Variants in SUN2 observed in about 807,000 individuals in gnomAD.
The protein encoded by SUN2 is SUN domain-containing protein 2.
In SUN2, 60 loss-of-function variants were observed where a neutral mutation model predicts 100.0. The ratio of observed to expected loss-of-function variants is 0.60; its 90% CI spans 0.49 to 0.74. The LOEUF (loss-of-function observed/expected upper bound fraction) is 0.74, where lower values mean the gene tolerates loss of function less well. Among genes scored for constraint, SUN2 ranks in the 30% least tolerant of loss-of-function variants. The pLI is 0.00. For synonymous variants in SUN2, 367 were observed against 403.3 expected, an observed-to-expected ratio of 0.91 and a Z score of 1.08; for missense variants, 834 against 954.6, an observed-to-expected ratio of 0.87 and a Z score of 1.66.
rs759788009 is a variant in SUN2 at position 38,736,227 on chromosome 22, C to T, written c.*40G>A. The T allele has an allele frequency of 5.1e-6, 8 of 1,582,994 alleles. No individual in the cohort carries two copies. Among genetic ancestry groups the T allele is most frequent in the Non-Finnish European group, 8.7e-7 (1 of 1,155,558 alleles). ...GGGGAAGCGGCGGGGTGCTGTTCAC[C>T]CACTCCCAGATGGCTGGCAGCAGGC... is the stretch of plus-strand genomic sequence containing the variant. On this transcript the variant is annotated 3_prime_UTR_variant, in exon 18 of 18. Coordinates refer to ENST00000689035, the MANE Select transcript of SUN2 (RefSeq NM_015374.3).
At chr22:38,744,041 G>A (rs1004740420) in intron 8 of SUN2, 2 of 152,182 alleles carry the variant, frequency 1.3e-5, no homozygotes, top group East Asian at 1.9e-4. Context: ...AGGAGACAGA[G>A]ACCATCCTGG....
intron 8 of SUN2, chr22:38,745,182 G>T (rs370473399): frequency 2.1e-6 from 1 of 471,106 alleles, no homozygotes; most frequent in Non-Finnish European, 4.4e-6. Context: ...CTAGCCTGCC[G>T]GGTGAGCAAA....
rs532267624 is a variant in SUN2 at position 38,742,384 on chromosome 22, G to T, written c.985C>A (p.Leu329Met). The T allele has an allele frequency of 6.2e-7, 1 of 1,613,336 alleles. No individual in the cohort carries two copies. Among genetic ancestry groups the T allele is most frequent in the East Asian group, 2.2e-5 (1 of 44,864 alleles). ...CTCACTAGCCCCTCCAGCAGCGCCA[G>T]GGTGTCCTCGTGGCTCAGGCCACCA... ...GGGGLSHEDT[L>M]ALLEGLVSRR... Residue 329 changes from leucine (L) to methionine (M), a missense_variant, in exon 9 of 18, where the codon CTG (leucine) becomes ATG (methionine). Around this residue, in one of 3 missense-constraint regions of SUN2, gnomAD observed 559 missense variants for 597.7 expected, o/e 0.94. Coordinates refer to ENST00000689035, the MANE Select transcript of SUN2 (RefSeq NM_015374.3).
chr22:38,753,059 G>A (rs1239240069), intron 1 of SUN2, among the ~76,000 whole-genome samples: 2 of 152,084 alleles, frequency 1.3e-5, no homozygotes, highest in Admixed American at 1.3e-4. Flanking sequence ...CTGCCTGCAC[G>A]CCCGGTGGTC....
intron 7 of SUN2, among the ~76,000 whole-genome samples, chr22:38,746,623 G>A (rs993751191): frequency 4.6e-5 from 7 of 152,218 alleles, no homozygotes; most frequent in African/African-American, 7.2e-5. Context: ...ATCTCCATGT[G>A]ATGGGTTCAC....
rs115128495 is a variant in SUN2, at chr22:38,739,182, C to G, written c.1663+160G>C. On this transcript the variant is annotated intron_variant, in intron 14 of 17. Coordinates refer to ENST00000689035, the MANE Select transcript of SUN2 (RefSeq NM_015374.3). This position sits in a 1 kb window ranked among gnomAD's most constrained non-coding sequence, Gnocchi z 6.7. ...GATGGTACTCGGTACGTCCTGACTT[C>G]CCTGAATTGCCACTTGCCTTTGTCA... The G allele has an allele frequency of 6.8e-4, 626 of 923,082 alleles. 4 individuals carry two copies. The African/African-American group carries it at 9.2e-3, about 14-fold the overall frequency. The allele number at this position is 923,082 out of a possible 1,614,324, so 57.2% of individuals were successfully genotyped here.
chr22:38,750,413 C>G (rs1159092366), intron 4 of SUN2, 93 bp from the exon 5 acceptor site: 1 of 1,559,138 alleles, frequency 6.4e-7, no homozygotes, highest in Admixed American at 1.9e-5. Context: ...GTCACCCACC[C>G]TCCTTCACAT....
At chr22:38,745,534 T>C (rs2092896946) in intron 8 of SUN2, 150 bp downstream of exon 8, 5 of 1,066,592 alleles carry the variant, frequency 4.7e-6, no homozygotes, top group Non-Finnish European at 6.7e-6. Context: ...ATTCCTTTTC[T>C]TTCTGTTTTC....
In SUN2 at chr22:38,737,798, C is replaced by T. The variant is rs138705; in HGVS notation, c.2040+375G>A. 0.27 allele frequency: 118,751 copies of T among 433,284 alleles called. 17,690 individuals are homozygous for T. The highest frequency in any genetic ancestry group is 0.46 in the East Asian group (7,169 of 15,446). The allele number at this position is 433,284 out of a possible 1,614,324, so 26.8% of individuals were successfully genotyped here. A position where few individuals can be genotyped will look rare whatever the true frequency, so the allele number is the denominator to read the frequency against. The stretch of plus-strand genomic sequence containing the variant: ...ATCGGATGCCCACTGAAGTTTAAGC[C>T]GCATGCACTGCCTGAGGCTCCAGCT... On this transcript the variant is annotated intron_variant, in intron 17 of 17. Coordinates refer to ENST00000689035, the MANE Select transcript of SUN2 (RefSeq NM_015374.3). The surrounding 1 kb of genome is among the most constrained non-coding windows in gnomAD (Gnocchi z 4.1).
chr22:38,740,500 A>C lies in SUN2; in HGVS notation c.1191-68T>G. The C allele has an allele frequency of 7.2e-7, 1 of 1,397,338 alleles. No homozygotes were observed. The highest frequency in any genetic ancestry group is 9.4e-7 in the Non-Finnish European group (1 of 1,067,368). The allele number at this position is 1,397,338 out of a possible 1,614,324, so 86.6% of individuals were successfully genotyped here. On this transcript the variant is annotated intron_variant, in intron 11 of 17. Transcript: ENST00000689035. This position sits in a 1 kb window ranked among gnomAD's most constrained non-coding sequence, Gnocchi z 4.8. ...GGGAGGTAAGGCCACACCAAAGATG[A>C]AAGAGGACCCCCTAGTGGGCTCCCG...
chr22:38,744,066 C>CTTGG (rs2092882757), intron 8 of SUN2, among the ~76,000 whole-genome samples: 1 of 151,920 alleles, frequency 6.6e-6, no homozygotes, highest in Non-Finnish European at 1.5e-5. Context: ...CATGGTGAAA[C>CTTGG]CCTGTCTCTA....
chr22:38,736,209 C>T lies in SUN2; in HGVS notation c.*58G>A, dbSNP rs538539297. 1.3e-4 allele frequency: 196 copies of T among 1,492,072 alleles called. No individual in the cohort carries two copies. Among genetic ancestry groups the T allele is most frequent in the African/African-American group, 5.5e-4 (40 of 72,578 alleles). The allele number at this position is 1,492,072 out of a possible 1,614,324, so 92.4% of individuals were successfully genotyped here. A position where few individuals can be genotyped will look rare whatever the true frequency, so the allele number is the denominator to read the frequency against. On this transcript the variant is annotated 3_prime_UTR_variant, in exon 18 of 18. Coordinates refer to ENST00000689035, the MANE Select transcript of SUN2 (RefSeq NM_015374.3). ...GCGCCGAGCAAGCGTGTGGGGGAAG[C>T]GGCGGGGTGCTGTTCACCCACTCCC...
intron 1 of SUN2, among the ~76,000 whole-genome samples, chr22:38,753,699 C>T (rs536946682): frequency 2.0e-5 from 3 of 152,110 alleles, no homozygotes; most frequent in East Asian, 1.9e-4. Context: ...TCCTTGTATA[C>T]CTCATTTATA....
chr22:38,739,118 C>T lies in SUN2; in HGVS notation c.1664-130G>A, dbSNP rs2092832571. 2 of 1,003,432 alleles carry T rather than the reference C, an allele frequency of 2.0e-6. No homozygotes were observed. Among genetic ancestry groups the T allele is most frequent in the Admixed American group, 4.1e-5 (2 of 48,268 alleles). 62.2% of individuals were successfully genotyped at this position (1,003,432 alleles called of 1,614,324 possible). The stretch of plus-strand genomic sequence containing the variant: ...CTAGCCTTTAACCCTAACCGAGATG[C>T]TCAGAGCAGCTTTAAAGGTCAGCCT... On this transcript the variant is annotated intron_variant, in intron 14 of 17. Coordinates refer to ENST00000689035, the MANE Select transcript of SUN2 (RefSeq NM_015374.3). This position sits in a 1 kb window ranked among gnomAD's most constrained non-coding sequence, Gnocchi z 6.7.
chr22:38,739,885 C>T lies in SUN2; in HGVS notation c.1415G>A (p.Arg472His), dbSNP rs760492857. 3.7e-6 allele frequency: 6 copies of T among 1,613,112 alleles called. No individual in the cohort carries two copies. The highest frequency in any genetic ancestry group is 2.7e-5 in the African/African-American group (2 of 74,946). ...CTCCTCTCTCTGAAGGAGCCCCACG[C>T]GGCCCCCTCCACCTCGGGCAAGGAA... is the stretch of plus-strand genomic sequence containing the variant. ...SQFLARGGGG[R>H]VGLLQREEMQ... The change falls in exon 13 of 18, where the codon CGC becomes CAC. Residue 472 changes from arginine to histidine, a missense_variant. Transcript: ENST00000689035. The surrounding 1 kb of genome is among the most constrained non-coding windows in gnomAD (Gnocchi z 6.7).
chr22:38,740,014 G>C lies in SUN2; in HGVS notation c.1357-71C>G. ...AGCAGGAGCTGCTATGACAGGGCTA[G>C]TGCTTAGCTGGATAGCAGGGATAGG... is the stretch of plus-strand genomic sequence containing the variant. On this transcript the variant is annotated intron_variant, in intron 12 of 17. Transcript: ENST00000689035. The surrounding 1 kb of genome is among the most constrained non-coding windows in gnomAD (Gnocchi z 4.8). 6.6e-7 allele frequency: 1 copy of C among 1,520,486 alleles called. No homozygotes were observed. The highest frequency in any genetic ancestry group is 9.0e-7 in the Non-Finnish European group (1 of 1,117,102). The allele number at this position is 1,520,486 out of a possible 1,614,324, so 94.2% of individuals were successfully genotyped here.
Position 38,738,279 on chromosome 22 carries a change from G to C in SUN2, c.1948-14C>G. 6.2e-7 allele frequency: 1 copy of C among 1,609,454 alleles called. No individual in the cohort carries two copies. Among genetic ancestry groups the C allele is most frequent in the Non-Finnish European group, 8.5e-7 (1 of 1,176,438 alleles). ...TTCGTCAAACCCCTGCAAAGAGAGC[G>C]GAGGGAAGTGGGGAGGGGCTGGAGC... On this transcript the variant is annotated splice_polypyrimidine_tract_variant and intron_variant, in intron 16 of 17. Transcript: ENST00000689035. The surrounding 1 kb of genome is among the most constrained non-coding windows in gnomAD (Gnocchi z 6.6).
At position 38,749,820 on chromosome 22, in the gene SUN2, G is replaced by A; in HGVS notation, c.560C>T (p.Thr187Ile). 2 of 1,614,052 alleles carry A rather than the reference G, an allele frequency of 1.2e-6. No homozygotes were observed. Among genetic ancestry groups the A allele is most frequent in the South Asian group, 1.1e-5 (1 of 91,068 alleles). Residue 187 changes from threonine (T) to isoleucine (I), a missense_variant, in exon 6 of 18, where the codon ACC becomes ATC. Around this residue, in one of 3 missense-constraint regions of SUN2, gnomAD observed 559 missense variants for 597.7 expected, o/e 0.94. Coordinates refer to ENST00000689035, the MANE Select transcript of SUN2 (RefSeq NM_015374.3). ...FRLLYWWAGT[T>I]WYRLTTAASL... Reference sequence around the variant, plus strand: ...GGCAGCTGTGGTCAGGCGGTACCAGGTGGTGCCAGCCCACCAGTAGAGAAG... The same window carrying A: ...GGCAGCTGTGGTCAGGCGGTACCAGATGGTGCCAGCCCACCAGTAGAGAAG...
At position 38,739,175 on chromosome 22, in the gene SUN2, C is replaced by T; in HGVS notation, c.1663+167G>A. 2.2e-6 allele frequency: 2 copies of T among 908,474 alleles called. No individual in the cohort carries two copies. Among genetic ancestry groups the T allele is most frequent in the Non-Finnish European group, 3.5e-6 (2 of 574,972 alleles). The allele number at this position is 908,474 out of a possible 1,614,324, so 56.3% of individuals were successfully genotyped here. A position where few individuals can be genotyped will look rare whatever the true frequency, so the allele number is the denominator to read the frequency against. ...GGCCCAGGATGGTACTCGGTACGTC[C>T]TGACTTCCCTGAATTGCCACTTGCC... is the stretch of plus-strand genomic sequence containing the variant. On this transcript the variant is annotated intron_variant, in intron 14 of 17. Coordinates refer to ENST00000689035, the MANE Select transcript of SUN2 (RefSeq NM_015374.3). This position sits in a 1 kb window ranked among gnomAD's most constrained non-coding sequence, Gnocchi z 6.7.
Sources: allele counts gnomAD v4.1 joint callset (sites outside exome capture counted in the v4.1 genomes callset), GRCh38; gene constraint gnomAD v4.1.1; regional missense constraint gnomAD v4.1.1; non-coding constraint Gnocchi (gnomAD v3.1); transcripts MANE v1.5; gene names NCBI Gene and HGNC (gene_info 2026-07-23, HGNC 2026-07-21).